LGSN: variants seen among roughly 807,000 people sequenced by gnomAD.
The protein encoded by LGSN is lengsin, lens protein with glutamine synthetase domain, also known as lengsin.
A neutral mutation model predicts 19.5 loss-of-function variants in LGSN; 21 were observed. That is an observed-to-expected ratio of 1.07 (90% CI 0.76 to 1.55). The LOEUF is 1.55. LGSN is among the 40% of genes most tolerant of loss of function. LGSN has a pLI of 0.00. For missense variants in LGSN, 673 were observed against 608.5 expected, an observed-to-expected ratio of 1.11 and a Z score of -1.12; for synonymous variants, 257 against 215.6, an observed-to-expected ratio of 1.19 and a Z score of -1.68.
At chr6:63,318,169 A>C (rs560789165) in intron 1 of LGSN, among the ~76,000 whole-genome samples, 1 of 152,326 alleles carries the variant, frequency 6.6e-6, no homozygotes, top group South Asian at 2.1e-4. Context: ...ACCTAAGATT[A>C]ATAACTGTTC....
chr6:63,538,315 C>T, the LGSN span, among the ~76,000 whole-genome samples: 8 of 152,158 alleles, frequency 5.3e-5, no homozygotes, highest in Non-Finnish European at 7.3e-5. Context: ...AAAAATTGTA[C>T]TGAAAGTTCA....
At chr6:63,350,505 T>G in the LGSN span, among the ~76,000 whole-genome samples, 1 of 152,346 alleles carries the variant, frequency 6.6e-6, no homozygotes, top group Non-Finnish European at 1.5e-5. Context: ...CCAGTTTTAA[T>G]AAACAGCATA....
the LGSN span, among the ~76,000 whole-genome samples, chr6:63,414,898 G>C: frequency 2.6e-5 from 4 of 151,646 alleles, no homozygotes; most frequent in Admixed American, 6.6e-5. Flanking sequence ...TTGGGCAACA[G>C]AGCCAGACGC....
chr6:63,436,697 T>C, the LGSN span, among the ~76,000 whole-genome samples: 3 of 152,154 alleles, frequency 2.0e-5, no homozygotes, highest in East Asian at 3.9e-4. Flanking sequence ...AACACACTCA[T>C]TGGGTTTGGA....
At chr6:63,495,468 T>TG in the LGSN span, among the ~76,000 whole-genome samples, 8 of 117,578 alleles carry the variant, frequency 6.8e-5, no homozygotes, top group African/African-American at 2.9e-4. Context: ...TTTTTTTTTT[T>TG]TTTTTTTTGA....
chr6:63,544,236 G>C, the LGSN span, among the ~76,000 whole-genome samples: 1 of 152,098 alleles, frequency 6.6e-6, no homozygotes, highest in Non-Finnish European at 1.5e-5. Context: ...AAAGATGCAA[G>C]AAAAATATAA....
chr6:63,359,262 G>A, the LGSN span, among the ~76,000 whole-genome samples: 57 of 152,240 alleles, frequency 3.7e-4, no homozygotes, highest in African/African-American at 1.1e-3. Context: ...TTTTTGCACC[G>A]ATGTTCATCA....
the LGSN span, among the ~76,000 whole-genome samples, chr6:63,474,590 C>A: frequency 7.9e-6 from 1 of 126,272 alleles, no homozygotes. Flanking sequence ...GCCTGGGCCA[C>A]AGAGCAAGAC....
chr6:63,387,881 T>A, the LGSN span, among the ~76,000 whole-genome samples: 2 of 152,026 alleles, frequency 1.3e-5, no homozygotes, highest in Non-Finnish European at 2.9e-5. Context: ...ATTTATTGAT[T>A]TTGAGTCAGA....
chr6:63,546,568 T>C, the LGSN span, among the ~76,000 whole-genome samples: 1 of 152,146 alleles, frequency 6.6e-6, no homozygotes, highest in Middle Eastern at 3.2e-3. Flanking sequence ...TAGCCGAGCA[T>C]GGTGGTGCAT....
the LGSN span, among the ~76,000 whole-genome samples, chr6:63,492,893 T>G: frequency 6.6e-6 from 1 of 152,234 alleles, no homozygotes; most frequent in African/African-American, 2.4e-5. Flanking sequence ...GTTATATGGC[T>G]TACAGGATTC....
chr6:63,525,529 T>A, the LGSN span, among the ~76,000 whole-genome samples: 1 of 152,220 alleles, frequency 6.6e-6, no homozygotes, highest in Non-Finnish European at 1.5e-5. Context: ...CAGAACCTAG[T>A]TCATGCCACT....
the LGSN span, among the ~76,000 whole-genome samples, chr6:63,384,194 A>G: frequency 6.6e-6 from 1 of 152,098 alleles, no homozygotes; most frequent in Non-Finnish European, 1.5e-5. Context: ...ATTTCATTTG[A>G]TGTCTACCTC....
the LGSN span, among the ~76,000 whole-genome samples, chr6:63,348,569 C>A: frequency 6.6e-6 from 1 of 151,920 alleles, no homozygotes; most frequent in Non-Finnish European, 1.5e-5. Flanking sequence ...AACGGCTCAA[C>A]AAATATTTTG....
the LGSN span, among the ~76,000 whole-genome samples, chr6:63,445,276 A>G: frequency 2.0e-5 from 3 of 151,958 alleles, no homozygotes; most frequent in African/African-American, 7.3e-5. Flanking sequence ...GCGTCATTGC[A>G]CTCCATCCAG....
At chr6:63,433,084 C>T in the LGSN span, among the ~76,000 whole-genome samples, 1 of 152,092 alleles carries the variant, frequency 6.6e-6, no homozygotes, top group Non-Finnish European at 1.5e-5. Context: ...ACTTCTAGGG[C>T]TTCTCTCCTA....
At chr6:63,309,560 G>GT (rs963464754) in intron 1 of LGSN, among the ~76,000 whole-genome samples, 3 of 152,028 alleles carry the variant, frequency 2.0e-5, no homozygotes, top group Admixed American at 6.5e-5. Flanking sequence ...GTCTAGTGGG[G>GT]TTTTTTTGGC....
the LGSN span, chr6:63,549,216 A>G: frequency 1.4e-6 from 1 of 717,804 alleles, no homozygotes; most frequent in Non-Finnish European, 2.5e-6. Flanking sequence ...CTTGTGGGCC[A>G]GCTGAAGTAG....
chr6:63,553,139 C>T, the LGSN span, among the ~76,000 whole-genome samples: 1 of 152,150 alleles, frequency 6.6e-6, no homozygotes, highest in African/African-American at 2.4e-5. Flanking sequence ...AGTTTTTCCT[C>T]CAAAGTATAC....
Sources: gnomAD v4.1 joint callset for allele counts (sites outside exome capture counted in the v4.1 genomes callset) on GRCh38, gnomAD v4.1.1 for gene constraint, MANE v1.5 for transcripts, NCBI Gene and HGNC (gene_info 2026-07-23, HGNC 2026-07-21) for gene names.